PAK1: variants seen among roughly 807,000 people sequenced by gnomAD.
PAK1 encodes p21 (RAC1) activated kinase 1, also known as serine/threonine-protein kinase PAK 1.
A neutral mutation model predicts 67.4 loss-of-function variants in PAK1; 29 were observed. That is an observed-to-expected ratio of 0.43 (90% confidence interval 0.32 to 0.59). PAK1 has a LOEUF of 0.59. PAK1 is among the 20% of genes least tolerant of loss of function. PAK1 has a pLI of 0.07. For missense variants in PAK1, 337 were observed against 670.7 expected (o/e 0.50, Z 5.50); for synonymous variants, 223 against 237.4 (o/e 0.94, Z 0.56).
intron 2 of PAK1, among the ~76,000 whole-genome samples, chr11:77,390,868 T>C (rs1351349592): frequency 1.3e-5 from 2 of 152,146 alleles, no homozygotes; most frequent in African/African-American, 4.8e-5. Flanking sequence ...CTCATACACA[T>C]AACGATATAA....
At chr11:77,524,346 G>C in the PAK1 span, among the ~76,000 whole-genome samples, 3 of 152,128 alleles carry the variant, frequency 2.0e-5, no homozygotes, top group Non-Finnish European at 1.5e-5. Flanking sequence ...CCCAGAACAT[G>C]CCCCCTGGAG....
the PAK1 span, among the ~76,000 whole-genome samples, chr11:77,506,256 G>T: frequency 3.4e-4 from 51 of 152,166 alleles, no homozygotes; most frequent in Non-Finnish European, 6.2e-4. Flanking sequence ...TATTCTCAGG[G>T]CTTTGCATGA....
chr11:77,346,243 A>AT (rs1944400364), intron 9 of PAK1, among the ~76,000 whole-genome samples: 1 of 152,184 alleles, frequency 6.6e-6, no homozygotes, highest in Non-Finnish European at 1.5e-5. Flanking sequence ...AAGTGCTGGG[A>AT]TTACAGGCAT....
intron 4 of PAK1, among the ~76,000 whole-genome samples, chr11:77,378,162 G>T (rs1166681246): frequency 6.6e-6 from 1 of 152,224 alleles, no homozygotes; most frequent in East Asian, 1.9e-4. Context: ...GAAATTAAAA[G>T]ATTAGCCCAC....
the PAK1 span, among the ~76,000 whole-genome samples, chr11:77,484,653 T>C: frequency 6.6e-6 from 1 of 152,320 alleles, no homozygotes; most frequent in African/African-American, 2.4e-5. Flanking sequence ...TGGGTTTTCC[T>C]GCAGCAGTGC....
At chr11:77,353,275 T>C in intron 8 of PAK1, 1 of 377,518 alleles carries the variant, frequency 2.6e-6, no homozygotes, top group Admixed American at 4.3e-5. Context: ...AAGTTGGTTT[T>C]GTGCTAAGAA....
intron 6 of PAK1, chr11:77,356,068 A>G: frequency 2.4e-6 from 1 of 424,930 alleles, no homozygotes; most frequent in Non-Finnish European, 4.2e-6. Context: ...TCTCAGCACT[A>G]AAGATATTCA....
intron 1 of PAK1, chr11:77,408,109 T>C (rs1953902958): frequency 6.6e-6 from 1 of 152,252 alleles, no homozygotes; most frequent in African/African-American, 2.4e-5. Context: ...AAGTGCCCTC[T>C]TCTGCATTAT....
At chr11:77,471,534 T>C (rs1592600322) in intron 1 of PAK1, among the ~76,000 whole-genome samples, 1 of 151,912 alleles carries the variant, frequency 6.6e-6, no homozygotes, top group African/African-American at 2.4e-5. Flanking sequence ...AACAAGGTCA[T>C]CTCCACAGGC....
At chr11:77,453,957 C>T (rs1340227723) in intron 1 of PAK1, among the ~76,000 whole-genome samples, 1 of 152,126 alleles carries the variant, frequency 6.6e-6, no homozygotes, top group African/African-American at 2.4e-5. Flanking sequence ...GTGGCACGTG[C>T]CTGTAGCCCC....
rs1942550778 is a variant in PAK1, at chr11:77,335,596, A to C, written c.1413+490T>G. On this transcript the variant is annotated intron_variant, in intron 13 of 14. Coordinates refer to ENST00000356341, the MANE Select transcript of PAK1 (RefSeq NM_002576.5). ...AGACACCACCACTCTGAACTATTAC[A>C]ACAGTCTCTCGCAGTCTATTTTCCA... 2.0e-5 allele frequency among the ~76,000 whole-genome samples: 3 copies of C among 152,154 alleles called. No individual in the cohort carries two copies. In the South Asian group the frequency reaches 6.2e-4, roughly 32 times the overall value.
chr11:77,431,785 A>C (rs1955872282), intron 1 of PAK1, among the ~76,000 whole-genome samples: 1 of 152,208 alleles, frequency 6.6e-6, no homozygotes. Context: ...CTTAAATACC[A>C]AGTCTAACTT....
chr11:77,409,878 T>A (rs1954240699), intron 1 of PAK1, among the ~76,000 whole-genome samples: 1 of 152,042 alleles, frequency 6.6e-6, no homozygotes, highest in Non-Finnish European at 1.5e-5. Context: ...ACATGGTAAA[T>A]TCTTTCAAAA....
the PAK1 span, among the ~76,000 whole-genome samples, chr11:77,526,670 C>A: frequency 6.6e-6 from 1 of 152,160 alleles, no homozygotes; most frequent in South Asian, 2.1e-4. Flanking sequence ...GTAATCCCAG[C>A]ACTTTGGGAG....
Position 77,415,252 on chromosome 11 carries a change from G to A in PAK1, c.-21-22711C>T, listed in dbSNP as rs188792532. 5.9e-3 allele frequency among the ~76,000 whole-genome samples: 902 copies of A among 152,278 alleles called. 9 individuals carry two copies. The highest frequency in any genetic ancestry group is 0.021 in the African/African-American group (866 of 41,562). On this transcript the variant is annotated intron_variant, in intron 1 of 14. Coordinates refer to ENST00000356341, the MANE Select transcript of PAK1 (RefSeq NM_002576.5). The stretch of plus-strand genomic sequence containing the variant: ...AATGGTGACAGGGATATGCAGCAAC[G>A]GGAACTCTCTCGTTCATTGCTGGTG...
chr11:77,390,942 A>G (rs1186331866), intron 2 of PAK1, among the ~76,000 whole-genome samples: 1 of 152,234 alleles, frequency 6.6e-6, no homozygotes, highest in Non-Finnish European at 1.5e-5. Context: ...TTTACAATAC[A>G]TGAGATCTGC....
chr11:77,375,166 G>A (rs1205791536), intron 4 of PAK1, among the ~76,000 whole-genome samples: 2 of 152,204 alleles, frequency 1.3e-5, no homozygotes, highest in African/African-American at 4.8e-5. Flanking sequence ...AGGTTAAAGA[G>A]AGGAATTAGA....
At chr11:77,442,486 C>G (rs930987373) in intron 1 of PAK1, among the ~76,000 whole-genome samples, 1 of 152,144 alleles carries the variant, frequency 6.6e-6, no homozygotes, top group African/African-American at 2.4e-5. Context: ...TTTTAGCCAA[C>G]AGCCAGGAAG....
At chr11:77,508,760 C>T in the PAK1 span, among the ~76,000 whole-genome samples, 13 of 150,332 alleles carry the variant, frequency 8.6e-5, no homozygotes, top group African/African-American at 1.5e-4. Context: ...GCCGGGTTCA[C>T]GCCATTTTCC....
Sources: gnomAD v4.1 joint callset for allele counts (sites outside exome capture counted in the v4.1 genomes callset) on GRCh38, gnomAD v4.1.1 for gene constraint, MANE v1.5 for transcripts, NCBI Gene and HGNC (gene_info 2026-07-23, HGNC 2026-07-21) for gene names.